The following TFDP2 variants were observed in gnomAD, a reference collection of about 807,000 sequenced individuals.
TFDP2 encodes transcription factor Dp-2 (E2F dimerization partner 2).
A neutral mutation model predicts 59.3 loss-of-function variants in TFDP2; 17 were observed. That is an observed-to-expected ratio of 0.29 (90% confidence interval 0.20 to 0.43). The LOEUF is 0.43. TFDP2 is among the 20% of genes least tolerant of loss of function. The pLI is 1.00. For missense variants in TFDP2, 391 were observed against 528.8 expected (o/e 0.74, Z 2.56); for synonymous variants, 180 against 194.7 (o/e 0.92, Z 0.63).
chr3:142,020,688 A>C (rs1270752442), intron 3 of TFDP2, among the ~76,000 whole-genome samples: 2 of 151,880 alleles, frequency 1.3e-5, no homozygotes, highest in East Asian at 3.9e-4. Flanking sequence ...TTAAAAAAAA[A>C]AAAAAAGTTT....
intron 8 of TFDP2, 63 bp downstream of exon 8, chr3:141,973,985 A>G: frequency 6.6e-7 from 1 of 1,506,252 alleles, no homozygotes; most frequent in Non-Finnish European, 8.9e-7. Context: ...ACATTTTTAA[A>G]TTAAAATGCC....
At chr3:142,064,348 C>T (rs527766241) in intron 3 of TFDP2, among the ~76,000 whole-genome samples, 1 of 152,176 alleles carries the variant, frequency 6.6e-6, no homozygotes, top group African/African-American at 2.4e-5. Flanking sequence ...TATCAGAACT[C>T]TGGAGGTGAT....
intron 3 of TFDP2, among the ~76,000 whole-genome samples, chr3:142,009,758 A>G (rs564690037): frequency 6.6e-6 from 1 of 151,844 alleles, no homozygotes; most frequent in African/African-American, 2.4e-5. Flanking sequence ...TTGACAAAAC[A>G]AAAATTACAG....
At chr3:141,999,767 G>C (rs560788521) in intron 4 of TFDP2, among the ~76,000 whole-genome samples, 2 of 151,318 alleles carry the variant, frequency 1.3e-5, no homozygotes, top group African/African-American at 4.9e-5. Context: ...ACGGAGTCTG[G>C]CTCTGTTGCC....
rs373277987 is a variant in TFDP2, at chr3:141,991,415, TCA to T, written c.356+2121_356+2122del. Among the ~76,000 whole-genome samples the T allele has an allele frequency of 1.1e-3, 171 of 152,232 alleles. 1 individual carries two copies. The highest frequency in any genetic ancestry group is 3.9e-3 in the African/African-American group (163 of 41,562). ...AGAACATTTAAATCAACAAAATATT[TCA>T]GTCTTGTTTATAAAATTAACCCTTG... On this transcript the variant is annotated intron_variant, in intron 6 of 12. Transcript: ENST00000489671.
At chr3:142,084,468 C>T (rs2060744048) in intron 3 of TFDP2, among the ~76,000 whole-genome samples, 1 of 152,172 alleles carries the variant, frequency 6.6e-6, no homozygotes, top group Non-Finnish European at 1.5e-5. Context: ...AATCCCACTA[C>T]TAGGTATACA....
intron 3 of TFDP2, among the ~76,000 whole-genome samples, chr3:142,061,014 T>A (rs1237549620): frequency 6.6e-6 from 1 of 152,214 alleles, no homozygotes; most frequent in Non-Finnish European, 1.5e-5. Flanking sequence ...CATTCAATCA[T>A]AAAAGTATAA....
chr3:142,080,434 G>A (rs1030236997), intron 3 of TFDP2, among the ~76,000 whole-genome samples: 11 of 152,150 alleles, frequency 7.2e-5, no homozygotes, highest in Non-Finnish European at 1.3e-4. Flanking sequence ...AAGGGAAGAA[G>A]GAATGAAGAG....
intron 11 of TFDP2, among the ~76,000 whole-genome samples, chr3:141,955,344 C>A (rs557239478): frequency 8.0e-4 from 121 of 152,162 alleles, no homozygotes; most frequent in Non-Finnish European, 1.6e-3. Context: ...ACGAAGAGAT[C>A]AAAACCACAG....
chr3:142,067,034 AT>A (rs1418589807), intron 3 of TFDP2, among the ~76,000 whole-genome samples: 2 of 152,218 alleles, frequency 1.3e-5, no homozygotes, highest in African/African-American at 2.4e-5. Context: ...TATAAAAAAA[AT>A]CTACAGCTAA....
At chr3:142,131,814 T>C (rs934997776) in intron 1 of TFDP2, among the ~76,000 whole-genome samples, 1 of 149,806 alleles carries the variant, frequency 6.7e-6, no homozygotes, top group Admixed American at 6.6e-5. Context: ...GAGACCAGCC[T>C]GGCCAACATG....
intron 1 of TFDP2, among the ~76,000 whole-genome samples, chr3:142,102,451 T>C (rs2061342806): frequency 6.6e-6 from 1 of 152,046 alleles, no homozygotes; most frequent in African/African-American, 2.4e-5. Flanking sequence ...AAGGGGGAGA[T>C]GAGAAATTCT....
rs147394891 is a variant in TFDP2 at position 142,112,491 on chromosome 3, T to G, written c.-92-10650A>C. Among the ~76,000 whole-genome samples, 482 of 152,320 alleles carry G rather than the reference T, an allele frequency of 3.2e-3. 2 individuals carry two copies. Among genetic ancestry groups the G allele is most frequent in the African/African-American group, 0.011 (457 of 41,554 alleles). ...ACTTCTTAGTATATGTGCTTTGATT[T>G]TCAGGCTAGGAGCCAATTATACTTA... is the stretch of plus-strand genomic sequence containing the variant. On this transcript the variant is annotated intron_variant, in intron 1 of 12. Coordinates refer to ENST00000489671, the MANE Select transcript of TFDP2 (RefSeq NM_001178139.2).
chr3:142,044,831 A>C (rs762926601), intron 3 of TFDP2, among the ~76,000 whole-genome samples: 3 of 152,274 alleles, frequency 2.0e-5, no homozygotes, highest in Non-Finnish European at 2.9e-5. Context: ...AATCTTAGGG[A>C]AGTAATTTAA....
At chr3:142,094,605 C>T (rs1013523477) in intron 2 of TFDP2, among the ~76,000 whole-genome samples, 2 of 151,836 alleles carry the variant, frequency 1.3e-5, no homozygotes, top group Admixed American at 6.6e-5. Flanking sequence ...ACGCCCAGCC[C>T]TCAAACTATA....
chr3:142,078,825 C>T (rs75580741), intron 3 of TFDP2, among the ~76,000 whole-genome samples: 3,334 of 152,144 alleles, frequency 0.022, 131 homozygotes, highest in African/African-American at 0.075. Flanking sequence ...TAACCAATCC[C>T]AGAGGAAAAG....
At chr3:142,082,378 A>G (rs2060666228) in intron 3 of TFDP2, among the ~76,000 whole-genome samples, 1 of 152,196 alleles carries the variant, frequency 6.6e-6, no homozygotes, top group African/African-American at 2.4e-5. Flanking sequence ...AACAAATGTA[A>G]TACACTTGAA....
At chr3:142,108,063 A>C (rs963744362) in intron 1 of TFDP2, among the ~76,000 whole-genome samples, 3 of 152,138 alleles carry the variant, frequency 2.0e-5, no homozygotes, top group African/African-American at 7.2e-5. Context: ...TGCCAGTCAG[A>C]GCTTGCCAGC....
Position 142,025,253 on chromosome 3 carries a change from A to C in TFDP2, c.83-19709T>G, listed in dbSNP as rs140453419. 2.7e-4 allele frequency among the ~76,000 whole-genome samples: 41 copies of C among 152,290 alleles called. No individual in the cohort carries two copies. The South Asian group carries it at 7.5e-3, about 28-fold the overall frequency. On this transcript the variant is annotated intron_variant, in intron 3 of 12. Transcript: ENST00000489671. ...TATAATATAGAAAATTATACTCTCT[A>C]TGTTCTATACTCCATATATGCTAAA...
Sources: gnomAD v4.1 joint callset for allele counts (sites outside exome capture counted in the v4.1 genomes callset) on GRCh38, gnomAD v4.1.1 for gene constraint, MANE v1.5 for transcripts, NCBI Gene and HGNC (gene_info 2026-07-23, HGNC 2026-07-21) for gene names.